KCNQ2: variants seen among roughly 807,000 people sequenced by gnomAD.
KCNQ2 encodes potassium voltage-gated channel subfamily Q member 2.
In KCNQ2, 14 loss-of-function variants were observed where a neutral mutation model predicts 84.8. The ratio of observed to expected loss-of-function variants is 0.17; its 90% CI spans 0.11 to 0.26. The LOEUF (loss-of-function observed/expected upper bound fraction) is 0.26, where lower values mean the gene tolerates loss of function less well. Among genes scored for constraint, KCNQ2 ranks in the 10% least tolerant of loss-of-function variants. The pLI is 1.00. For missense variants in KCNQ2, 788 were observed against 1,254.0 expected (o/e 0.63, Z 5.61); for synonymous variants, 599 against 554.1 (o/e 1.08, Z -1.14).
intron 8 of KCNQ2, among the ~76,000 whole-genome samples, chr20:63,432,061 ACT>A (rs1375842132): frequency 4.5e-5 from 1 of 22,180 alleles, no homozygotes; most frequent in Non-Finnish European, 9.5e-5. Context: ...CACAGGGAAG[ACT>A]CCACCCACAG....
chr20:63,410,290 C>T (rs1206688944), intron 15 of KCNQ2, among the ~76,000 whole-genome samples: 4 of 152,164 alleles, frequency 2.6e-5, no homozygotes, highest in Non-Finnish European at 4.4e-5. Flanking sequence ...GCCCTGGCCA[C>T]GGGCTCAGCC....
In KCNQ2 at chr20:63,408,459, G is replaced by T; in HGVS notation, c.1841C>A (p.Pro614His). Reference protein sequence around the residue: ...RTKGPAEAELPEDPSMMGRLG... With the variant: ...RTKGPAEAELHEDPSMMGRLG... ...CCGTCCCATCATGCTGGGGTCCTCG[G>T]GCAGCTCCGCCTCGGCCGGGCCCTT... is the stretch of plus-strand genomic sequence containing the variant. Residue 614 changes from proline (P) to histidine (H), a missense_variant, in exon 16 of 17, where the codon CCC becomes CAC. Coordinates refer to ENST00000359125, the MANE Select transcript of KCNQ2 (RefSeq NM_172107.4). This position sits in a 1 kb window ranked among gnomAD's most constrained non-coding sequence, Gnocchi z 5.0. 1 of 1,609,078 alleles carries T rather than the reference G, an allele frequency of 6.2e-7. No individual in the cohort carries two copies.
chr20:63,465,377 C>T (rs1202222943), intron 1 of KCNQ2, among the ~76,000 whole-genome samples: 1 of 152,234 alleles, frequency 6.6e-6, no homozygotes, highest in African/African-American at 2.4e-5. Context: ...GCCCACCCGC[C>T]TTGTGCTGGC....
intron 1 of KCNQ2, among the ~76,000 whole-genome samples, chr20:63,452,170 A>G (rs1386743564): frequency 9.3e-5 from 14 of 151,042 alleles, no homozygotes; most frequent in Admixed American, 6.6e-5. Context: ...ATGAAGGCGC[A>G]GGGGCCAAAG....
chr20:63,445,486 G>T, intron 2 of KCNQ2, 122 bp from the exon 3 acceptor site: 1 of 1,057,166 alleles, frequency 9.5e-7, no homozygotes. Context: ...GGCCCCCAAA[G>T]GAAACTGCAA....
At position 63,446,604 on chromosome 20, in the gene KCNQ2, G is replaced by T; in HGVS notation, c.387+143C>A. ...GGGCTGTGGGGCTGGGGGCAGATGG[G>T]AACTGACAGGGCACAAAGACATGGC... is the stretch of plus-strand genomic sequence containing the variant. On this transcript the variant is annotated intron_variant, in intron 2 of 16. Coordinates refer to ENST00000359125, the MANE Select transcript of KCNQ2 (RefSeq NM_172107.4). The surrounding 1 kb of genome is among the most constrained non-coding windows in gnomAD (Gnocchi z 5.5). The T allele has an allele frequency of 1.4e-6, 1 of 724,458 alleles. No homozygotes were observed. The highest frequency in any genetic ancestry group is 2.4e-6 in the Non-Finnish European group (1 of 413,170). 44.9% of individuals were successfully genotyped at this position (724,458 alleles called of 1,614,324 possible).
chr20:63,424,814 A>G (rs2080580111), intron 10 of KCNQ2, among the ~76,000 whole-genome samples: 1 of 152,138 alleles, frequency 6.6e-6, no homozygotes, highest in Non-Finnish European at 1.5e-5. Context: ...GGCGTTATGG[A>G]TTGAGTGAGA....
chr20:63,417,539 TGGGCAGAGCCCGGTGCTGA>T (rs1292624190), intron 12 of KCNQ2, among the ~76,000 whole-genome samples: 4 of 152,226 alleles, frequency 2.6e-5, no homozygotes, highest in Non-Finnish European at 1.5e-5. Context: ...GGCTGGTCTC[TGGGCAGAGCCCGGTGCTGA>T]GGGCTTGCAG....
chr20:63,417,465 G>A (rs2080331414), intron 12 of KCNQ2, among the ~76,000 whole-genome samples: 1 of 152,250 alleles, frequency 6.6e-6, no homozygotes, highest in South Asian at 2.1e-4. Flanking sequence ...TCTCACGGCA[G>A]CTGGCAAAGC....
chr20:63,415,308 G>A (rs1238897255), intron 12 of KCNQ2, among the ~76,000 whole-genome samples, 182 bp from the exon 13 acceptor site: 5 of 150,810 alleles, frequency 3.3e-5, no homozygotes, highest in African/African-American at 2.5e-5. Context: ...AGCACCCGGC[G>A]GGAGGGAGGG....
In KCNQ2 at chr20:63,472,316, G is replaced by A. The variant is rs1382487817; in HGVS notation, c.148C>T (p.Arg50Cys). 6.5e-7 allele frequency: 1 copy of A among 1,538,460 alleles called. No individual in the cohort carries two copies. Among genetic ancestry groups the A allele is most frequent in the Middle Eastern group, 1.7e-4 (1 of 5,912 alleles). Residue 50 changes from arginine to cysteine, a missense_variant, in exon 1 of 17, where the codon CGC becomes TGC. By Grantham distance (180) the Arg-to-Cys change is radical. Transcript: ENST00000359125. ...LLIAGSEAPK[R>C]GSILSKPRAG... ...CGAGGTTTGCTGAGGATGCTGCCGCGCTTGGGGGCCTCGGAGCCGGCGATC... is the reference window on the plus strand; with the variant it reads ...CGAGGTTTGCTGAGGATGCTGCCGCACTTGGGGGCCTCGGAGCCGGCGATC...
rs1342913146 is a variant in KCNQ2, at chr20:63,460,550, A to C, written c.296+11618T>G. On this transcript the variant is annotated intron_variant, in intron 1 of 16. Coordinates refer to ENST00000359125, the MANE Select transcript of KCNQ2 (RefSeq NM_172107.4). This position sits in a 1 kb window ranked among gnomAD's most constrained non-coding sequence, Gnocchi z 5.4. ...ACAGCTCCAGTCCCTGGCCCCCTAC[A>C]AACGTCCTAGTGAGTGCTCTCTCTC... 6.7e-6 allele frequency among the ~76,000 whole-genome samples: 1 copy of C among 150,320 alleles called. No homozygotes were observed. The highest frequency in any genetic ancestry group is 1.5e-5 in the Non-Finnish European group (1 of 67,774).
chr20:63,426,542 T>G (rs2080641485), intron 10 of KCNQ2, among the ~76,000 whole-genome samples: 1 of 151,406 alleles, frequency 6.6e-6, no homozygotes, highest in Non-Finnish European at 1.5e-5. Flanking sequence ...ATCGGCCAGG[T>G]GCTGCTCTGA....
At chr20:63,432,096 GGCCCC>G (rs1400990825) in intron 8 of KCNQ2, among the ~76,000 whole-genome samples, 7 of 140,478 alleles carry the variant, frequency 5.0e-5, no homozygotes, top group African/African-American at 1.8e-4. Context: ...CCACAGGGAA[GGCCCC>G]ACCCTCAGGG....
chr20:63,436,175 G>A (rs1183420665), intron 7 of KCNQ2, among the ~76,000 whole-genome samples: 1 of 152,186 alleles, frequency 6.6e-6, no homozygotes, highest in Non-Finnish European at 1.5e-5. Flanking sequence ...GCATGCTGCA[G>A]AGAAATCTTT....
chr20:63,419,472 G>C (rs1252097362), intron 12 of KCNQ2, 147 bp downstream of exon 12: 2 of 747,108 alleles, frequency 2.7e-6, no homozygotes, highest in African/African-American at 3.5e-5. Context: ...AGAATAGAGG[G>C]AGCTGAGCCC....
chr20:63,410,026 A>G, intron 15 of KCNQ2: 1 of 280,122 alleles, frequency 3.6e-6, no homozygotes, highest in Non-Finnish European at 7.0e-6. Context: ...CGAGAAACAG[A>G]GAGGGTTTCA....
At position 63,405,758 on chromosome 20, in the gene KCNQ2, C is replaced by T. The variant is rs1367496228; in HGVS notation, c.*886G>A. ...AGGGGAGGACTTGGGGTCCTGCCCC[C>T]CCGGTCTCCAAGGCTGGGGTGCTGC... On this transcript the variant is annotated 3_prime_UTR_variant, in exon 17 of 17. Coordinates refer to ENST00000359125, the MANE Select transcript of KCNQ2 (RefSeq NM_172107.4). 1.3e-5 allele frequency: 2 copies of T among 152,392 alleles called. No homozygotes were observed. Among genetic ancestry groups the T allele is most frequent in the Non-Finnish European group, 2.9e-5 (2 of 68,196 alleles). The allele number at this position is 152,392 out of a possible 1,614,324, so 9.4% of individuals were successfully genotyped here.
At chr20:63,428,495 C>A (rs2080699598) in intron 9 of KCNQ2, 60 bp from the exon 10 acceptor site, 14 of 1,403,066 alleles carry the variant, frequency 1.0e-5, no homozygotes, top group Non-Finnish European at 1.4e-5. Flanking sequence ...TGGGACACCT[C>A]CCTCTGCTTG....
Sources: gnomAD v4.1 joint callset for allele counts (sites outside exome capture counted in the v4.1 genomes callset) on GRCh38, gnomAD v4.1.1 for gene constraint, Gnocchi (gnomAD v3.1) non-coding constraint, MANE v1.5 for transcripts, NCBI Gene and HGNC (gene_info 2026-07-23, HGNC 2026-07-21) for gene names.